TESC: variants seen among roughly 807,000 people sequenced by gnomAD.
TESC encodes tescalcin.
Under a neutral mutation model 31.0 loss-of-function variants are expected in TESC, and 19 were observed. The observed-to-expected ratio is 0.61, with a 90% CI of 0.43 to 0.90. The LOEUF is 0.90. TESC is among the 40% of genes least tolerant of loss of function. The pLI, the probability that TESC is intolerant of heterozygous loss-of-function variation, is 0.00. For synonymous variants in TESC, 109 were observed against 114.8 expected (o/e 0.95, Z 0.32); for missense variants, 248 against 303.8 (o/e 0.82, Z 1.36).
rs745593626 is a variant in TESC at position 117,048,836 on chromosome 12, G to A, written c.349+183C>T. The A allele has an allele frequency of 7.7e-6, 7 of 907,124 alleles. No individual in the cohort carries two copies. The South Asian group carries it at 8.5e-5, about 11-fold the overall frequency. 56.2% of individuals were successfully genotyped at this position (907,124 alleles called of 1,614,324 possible). ...CTGCTGAGGAATGTTTAGGATGAAG[G>A]TGCCGGGAACGGGAGACAGCAATGC... On this transcript the variant is annotated intron_variant, in intron 4 of 7. Transcript: ENST00000335209.
chr12:117,081,296 A>G (rs1326378086), intron 1 of TESC, among the ~76,000 whole-genome samples: 1 of 152,240 alleles, frequency 6.6e-6, no homozygotes, highest in African/African-American at 2.4e-5. Flanking sequence ...GATATTGATC[A>G]TATGGTAAAA....
chr12:117,099,405 G>A lies in TESC; in HGVS notation c.-123C>T, dbSNP rs1235565105. ...GTCGGGACGCCGGCGAAGGCTCGGA[G>A]CCGCGGGTTCCGCGTGGGGCCGGAG... On this transcript the variant is annotated 5_prime_UTR_variant, in exon 1 of 8. Transcript: ENST00000335209. 3 of 1,004,746 alleles carry A rather than the reference G, an allele frequency of 3.0e-6. No homozygotes were observed. The highest frequency in any genetic ancestry group is 4.4e-5 in the Admixed American group (1 of 22,832). The allele number at this position is 1,004,746 out of a possible 1,614,324, so 62.2% of individuals were successfully genotyped here.
intron 2 of TESC, among the ~76,000 whole-genome samples, chr12:117,070,600 C>T (rs1054133710): frequency 2.0e-5 from 3 of 152,174 alleles, no homozygotes; most frequent in Non-Finnish European, 4.4e-5. Context: ...ATGCCCCTGG[C>T]TTCCTACAGC....
intron 2 of TESC, among the ~76,000 whole-genome samples, chr12:117,062,263 C>A (rs893197901): frequency 3.3e-5 from 5 of 151,978 alleles, no homozygotes; most frequent in African/African-American, 9.7e-5. Context: ...ACTCTGCCGC[C>A]CAGGCTGGAG....
chr12:117,062,660 T>C (rs905905095), intron 2 of TESC, among the ~76,000 whole-genome samples: 8 of 152,208 alleles, frequency 5.3e-5, no homozygotes, highest in African/African-American at 1.9e-4. Context: ...AACCTGCCAA[T>C]GTCCCTTTTC....
chr12:117,090,955 C>T (rs536561417), intron 1 of TESC, among the ~76,000 whole-genome samples: 1 of 152,312 alleles, frequency 6.6e-6, no homozygotes, highest in East Asian at 1.9e-4. Flanking sequence ...TCCGGCCTGG[C>T]CACCTGCCCT....
chr12:117,056,794 G>C lies in TESC; in HGVS notation c.209+12C>G. 6.2e-7 allele frequency: 1 copy of C among 1,613,958 alleles called. No homozygotes were observed. ...TGCCTGCCACTGGGCTGGTTCAGGG[G>C]AAAACGCCCACCTGTTGTCGAAGAA... On this transcript the variant is annotated intron_variant, in intron 3 of 7. Coordinates refer to ENST00000335209, the MANE Select transcript of TESC (RefSeq NM_017899.4).
intron 2 of TESC, among the ~76,000 whole-genome samples, chr12:117,063,090 G>C (rs1275612627): frequency 1.3e-5 from 2 of 152,206 alleles, no homozygotes; most frequent in African/African-American, 4.8e-5. Context: ...GCTAAGCACT[G>C]CAACACTTAA....
At chr12:117,079,781 A>C (rs913590303) in intron 1 of TESC, among the ~76,000 whole-genome samples, 1 of 152,176 alleles carries the variant, frequency 6.6e-6, no homozygotes, top group East Asian at 1.9e-4. Context: ...TTTTAGAGAG[A>C]GATAAAAATG....
In TESC at chr12:117,039,081, G is replaced by A. The variant is rs369350348; in HGVS notation, c.*52C>T. 1.7e-5 allele frequency: 27 copies of A among 1,594,142 alleles called. No individual in the cohort carries two copies. The highest frequency in any genetic ancestry group is 5.4e-5 in the African/African-American group (4 of 74,552). On this transcript the variant is annotated 3_prime_UTR_variant, in exon 8 of 8. Transcript: ENST00000335209. Reference sequence around the variant, plus strand: ...CGGGCCTGGGCTGCTCCAGCTACGCGGGGAGGCGGCCCCATTGCAAAGTGC... The same window carrying A: ...CGGGCCTGGGCTGCTCCAGCTACGCAGGGAGGCGGCCCCATTGCAAAGTGC...
intron 1 of TESC, among the ~76,000 whole-genome samples, chr12:117,090,569 C>A (rs1955292701): frequency 6.6e-6 from 1 of 152,164 alleles, no homozygotes; most frequent in East Asian, 1.9e-4. Context: ...TTTTTGCTGT[C>A]ATTTTACAGA....
At chr12:117,041,299 C>T (rs1954480003) in intron 7 of TESC, among the ~76,000 whole-genome samples, 1 of 152,046 alleles carries the variant, frequency 6.6e-6, no homozygotes, top group Non-Finnish European at 1.5e-5. Context: ...TCTAAAGACA[C>T]AGAAAGTTCC....
At chr12:117,050,887 T>C (rs951771064) in intron 3 of TESC, among the ~76,000 whole-genome samples, 6 of 152,138 alleles carry the variant, frequency 3.9e-5, no homozygotes, top group Admixed American at 2.6e-4. Flanking sequence ...ATCACGCCAC[T>C]GCACTCCAGC....
chr12:117,078,076 A>C (rs140004241), intron 1 of TESC, among the ~76,000 whole-genome samples: 5 of 152,390 alleles, frequency 3.3e-5, no homozygotes, highest in African/African-American at 1.2e-4. Flanking sequence ...CCTAAAAAAT[A>C]ATAGATGCAA....
intron 1 of TESC, among the ~76,000 whole-genome samples, chr12:117,084,868 G>A (rs1450287274): frequency 6.6e-6 from 1 of 152,246 alleles, no homozygotes; most frequent in African/African-American, 2.4e-5. Flanking sequence ...GCCCCCAGGA[G>A]TGTGTGGGCC....
intron 1 of TESC, among the ~76,000 whole-genome samples, chr12:117,075,903 A>ATATGTG (rs1955059795): frequency 1.2e-5 from 1 of 82,794 alleles, no homozygotes; most frequent in African/African-American, 8.4e-5. Flanking sequence ...ATATATATAT[A>ATATGTG]TATATATATA....
intron 3 of TESC, among the ~76,000 whole-genome samples, chr12:117,053,274 T>C (rs1954674618): frequency 6.6e-6 from 1 of 152,230 alleles, no homozygotes; most frequent in Non-Finnish European, 1.5e-5. Context: ...TCCCTAAGTC[T>C]GGCAGCGGCA....
At chr12:117,077,991 AAGG>A (rs1484147989) in intron 1 of TESC, among the ~76,000 whole-genome samples, 1 of 152,320 alleles carries the variant, frequency 6.6e-6, no homozygotes, top group South Asian at 2.1e-4. Context: ...TCCCTGACTA[AAGG>A]AGATCTGGGA....
intron 1 of TESC, among the ~76,000 whole-genome samples, chr12:117,080,704 C>T (rs1265545279): frequency 6.6e-6 from 1 of 152,196 alleles, no homozygotes; most frequent in Non-Finnish European, 1.5e-5. Context: ...GCAGGTGGAG[C>T]TGGTCTAACC....
Sources: allele counts gnomAD v4.1 joint callset (sites outside exome capture counted in the v4.1 genomes callset), GRCh38; gene constraint gnomAD v4.1.1; transcripts MANE v1.5; gene names NCBI Gene and HGNC (gene_info 2026-07-23, HGNC 2026-07-21).